The following CDH4 variants were observed in gnomAD, a reference collection of about 807,000 sequenced individuals.
The protein encoded by CDH4 is cadherin 4.
In CDH4, 33 loss-of-function variants were observed where a neutral mutation model predicts 86.0. The observed-to-expected ratio is 0.38, with a 90% CI of 0.29 to 0.51. CDH4 has a LOEUF of 0.51. Among genes scored for constraint, CDH4 ranks in the 20% least tolerant of loss-of-function variants. The pLI is 0.86. For missense variants in CDH4, 1,114 were observed against 1,307.4 expected, an observed-to-expected ratio of 0.85 and a Z score of 2.28; for synonymous variants, 555 against 549.4, an observed-to-expected ratio of 1.01 and a Z score of -0.14.
chr20:61,343,472 T>C (rs1179280636), intron 2 of CDH4, among the ~76,000 whole-genome samples: 1 of 152,228 alleles, frequency 6.6e-6, no homozygotes, highest in African/African-American at 2.4e-5. Context: ...GTATCAGTGT[T>C]GGAGCCCAGG....
At chr20:61,553,769 C>G (rs1472137533) in intron 2 of CDH4, among the ~76,000 whole-genome samples, 5 of 152,220 alleles carry the variant, frequency 3.3e-5, no homozygotes, top group Non-Finnish European at 7.3e-5. Context: ...CCAATTCTAT[C>G]TCCCTATCCC....
At chr20:61,295,635 G>A (rs1017263824) in intron 2 of CDH4, among the ~76,000 whole-genome samples, 11 of 152,250 alleles carry the variant, frequency 7.2e-5, no homozygotes, top group African/African-American at 2.7e-4. Flanking sequence ...ATTTCTCGGT[G>A]AGGAAACAGA....
chr20:61,759,450 A>G (rs973453701), intron 3 of CDH4, among the ~76,000 whole-genome samples: 1 of 152,200 alleles, frequency 6.6e-6, no homozygotes, highest in African/African-American at 2.4e-5. Flanking sequence ...GACTCTTCAG[A>G]GGACATGTCA....
chr20:61,862,359 T>C (rs1668228602), intron 6 of CDH4, among the ~76,000 whole-genome samples: 1 of 152,178 alleles, frequency 6.6e-6, no homozygotes, highest in African/African-American at 2.4e-5. Flanking sequence ...CTCAGACGTG[T>C]CCCAGCACTA....
chr20:61,304,025 A>G (rs1467540970), intron 2 of CDH4, among the ~76,000 whole-genome samples: 1 of 151,896 alleles, frequency 6.6e-6, no homozygotes, highest in Non-Finnish European at 1.5e-5. Flanking sequence ...CAGTGGCTTC[A>G]TTTCACACGT....
At position 61,683,758 on chromosome 20, in the gene CDH4, T is replaced by G. The variant is rs575240577; in HGVS notation, c.170-59805T>G. On this transcript the variant is annotated intron_variant, in intron 2 of 15. Transcript: ENST00000614565. ...CCTGTCATACAGTTACCACTCACTGTCCTCTTCCTTCAAGCCAGGCTCTGT... is the reference window on the plus strand; with the variant it reads ...CCTGTCATACAGTTACCACTCACTGGCCTCTTCCTTCAAGCCAGGCTCTGT... Among the ~76,000 whole-genome samples the G allele has an allele frequency of 2.2e-4, 33 of 152,394 alleles. No homozygotes were observed. The South Asian group carries it at 6.0e-3, about 28-fold the overall frequency.
intron 2 of CDH4, among the ~76,000 whole-genome samples, chr20:61,664,627 T>C (rs918032181): frequency 6.6e-6 from 1 of 152,138 alleles, no homozygotes; most frequent in Admixed American, 6.5e-5. Flanking sequence ...CACGAACACT[T>C]CTACTCCCTG....
intron 2 of CDH4, among the ~76,000 whole-genome samples, chr20:61,699,361 G>A (rs1436117432): frequency 6.6e-6 from 1 of 152,210 alleles, no homozygotes; most frequent in Non-Finnish European, 1.5e-5. Flanking sequence ...CCCAGTGCAG[G>A]GCGGGCACTG....
At chr20:61,539,910 T>G (rs943340024) in intron 2 of CDH4, among the ~76,000 whole-genome samples, 1 of 151,838 alleles carries the variant, frequency 6.6e-6, no homozygotes, top group Admixed American at 6.5e-5. Context: ...AAGAGAGTGT[T>G]TGGAGAACTG....
At chr20:61,390,634 T>C (rs918163613) in intron 2 of CDH4, among the ~76,000 whole-genome samples, 2 of 150,610 alleles carry the variant, frequency 1.3e-5, no homozygotes, top group African/African-American at 4.9e-5. Context: ...GATCGTACGG[T>C]CATAGGGTGC....
At position 61,293,605 on chromosome 20, in the gene CDH4, C is replaced by G. The variant is rs144575515; in HGVS notation, c.169+38668C>G. 3.5e-3 allele frequency among the ~76,000 whole-genome samples: 529 copies of G among 152,322 alleles called. 12 individuals carry two copies. Among genetic ancestry groups the G allele is most frequent in the East Asian group, 2.3e-3 (12 of 5,176 alleles). On this transcript the variant is annotated intron_variant, in intron 2 of 15. Coordinates refer to ENST00000614565, the MANE Select transcript of CDH4 (RefSeq NM_001794.5). ...TCCCCATCAGCGGGACAGAGAGACA[C>G]ATTTTTAAAGCCTAGAGACCCTGGG...
chr20:61,527,261 T>C (rs1211926587), intron 2 of CDH4, among the ~76,000 whole-genome samples: 5 of 152,160 alleles, frequency 3.3e-5, no homozygotes, highest in Non-Finnish European at 7.4e-5. Flanking sequence ...AGAGCTTTTT[T>C]TTTTTTTGAG....
intron 3 of CDH4, among the ~76,000 whole-genome samples, chr20:61,751,779 C>G (rs1238052167): frequency 6.6e-6 from 1 of 152,206 alleles, no homozygotes; most frequent in African/African-American, 2.4e-5. Context: ...AAAGTTTGCC[C>G]ATTTCTACAG....
chr20:61,837,250 G>A (rs1442281695), intron 4 of CDH4, among the ~76,000 whole-genome samples: 1 of 152,158 alleles, frequency 6.6e-6, no homozygotes, highest in African/African-American at 2.4e-5. Flanking sequence ...TTGTAGAGCT[G>A]GTGGGAGTGA....
At chr20:61,856,072 C>T (rs1217697933) in intron 6 of CDH4, among the ~76,000 whole-genome samples, 1 of 152,174 alleles carries the variant, frequency 6.6e-6, no homozygotes, top group Non-Finnish European at 1.5e-5. Flanking sequence ...GGCGGTCTTC[C>T]CAGGACTTGG....
At chr20:61,419,256 A>G (rs1348976146) in intron 2 of CDH4, among the ~76,000 whole-genome samples, 3 of 152,114 alleles carry the variant, frequency 2.0e-5, no homozygotes, top group Admixed American at 2.0e-4. Context: ...CGCTTTGCCC[A>G]GGGCGGTGCT....
intron 6 of CDH4, among the ~76,000 whole-genome samples, chr20:61,864,230 G>T (rs557636920): frequency 1.3e-5 from 2 of 152,300 alleles, no homozygotes; most frequent in African/African-American, 4.8e-5. Context: ...GGCTGCTGGC[G>T]TTGAGCCCTG....
chr20:61,868,347 C>T (rs1296202913), intron 6 of CDH4, among the ~76,000 whole-genome samples: 6 of 152,188 alleles, frequency 3.9e-5, no homozygotes, highest in Non-Finnish European at 8.8e-5. Flanking sequence ...TGAGCAGGAC[C>T]TCTGAGGAGT....
chr20:61,331,203 A>T (rs144441922), intron 2 of CDH4, among the ~76,000 whole-genome samples: 2 of 152,026 alleles, frequency 1.3e-5, no homozygotes, highest in African/African-American at 4.8e-5. Flanking sequence ...TGCCATGGCC[A>T]CAGCTGCACC....
Sources: allele counts gnomAD v4.1 joint callset (sites outside exome capture counted in the v4.1 genomes callset), GRCh38; gene constraint gnomAD v4.1.1; transcripts MANE v1.5; gene names NCBI Gene and HGNC (gene_info 2026-07-23, HGNC 2026-07-21).